OTUD7A: variants seen among roughly 807,000 people sequenced by gnomAD.
OTUD7A encodes OTU domain-containing protein 7A.
OTUD7A carries 12 observed loss-of-function variants against 65.7 expected under a neutral mutation model. That is an observed-to-expected ratio of 0.18 (90% CI 0.12 to 0.30). The LOEUF (loss-of-function observed/expected upper bound fraction) is 0.30, where lower values mean the gene tolerates loss of function less well. OTUD7A is among the 10% of genes least tolerant of loss of function. The pLI is 1.00. For missense variants in OTUD7A, 1,148 were observed against 1,304.8 expected (o/e 0.88, Z 1.85); for synonymous variants, 641 against 586.3 (o/e 1.09, Z -1.35).
chr15:31,565,991 G>C (rs991556908), intron 4 of OTUD7A, among the ~76,000 whole-genome samples: 1 of 152,144 alleles, frequency 6.6e-6, no homozygotes, highest in Non-Finnish European at 1.5e-5. Context: ...AGGAGATCGA[G>C]ACCATCCTGG....
intron 3 of OTUD7A, among the ~76,000 whole-genome samples, chr15:31,651,775 A>G (rs987533571): frequency 3.9e-5 from 6 of 152,166 alleles, no homozygotes; most frequent in African/African-American, 1.2e-4. Context: ...GCCCCCCAAT[A>G]CACATAGAAC....
chr15:31,747,606 T>C (rs1894515184), intron 1 of OTUD7A, among the ~76,000 whole-genome samples: 1 of 152,116 alleles, frequency 6.6e-6, no homozygotes, highest in Non-Finnish European at 1.5e-5. Flanking sequence ...AAATAGATGA[T>C]TAAGTAAATG....
chr15:31,528,421 C>T (rs1351886543), intron 6 of OTUD7A, among the ~76,000 whole-genome samples: 1 of 152,136 alleles, frequency 6.6e-6, no homozygotes, highest in Non-Finnish European at 1.5e-5. Context: ...AGGGGGCTCT[C>T]GAGGGAACTG....
chr15:31,861,237 C>T (rs1254581284), intron 1 of OTUD7A, among the ~76,000 whole-genome samples: 1 of 152,044 alleles, frequency 6.6e-6, no homozygotes, highest in Non-Finnish European at 1.5e-5. Flanking sequence ...AGAGTGGGGA[C>T]CCAAGCCAGA....
At chr15:31,773,974 A>G (rs1306227070) in intron 1 of OTUD7A, among the ~76,000 whole-genome samples, 1 of 152,254 alleles carries the variant, frequency 6.6e-6, no homozygotes, top group Non-Finnish European at 1.5e-5. Context: ...TTAATTGTCA[A>G]GAAGAACACT....
intron 1 of OTUD7A, among the ~76,000 whole-genome samples, chr15:31,869,774 G>GGT (rs1489697712): frequency 6.6e-6 from 1 of 152,204 alleles, no homozygotes; most frequent in Admixed American, 6.5e-5. Context: ...GGAGGGAGGA[G>GGT]GGTACACTTG....
At chr15:31,807,693 CAG>C (rs1172575619) in intron 1 of OTUD7A, among the ~76,000 whole-genome samples, 1 of 152,144 alleles carries the variant, frequency 6.6e-6, no homozygotes, top group Non-Finnish European at 1.5e-5. Flanking sequence ...AAACCATCAG[CAG>C]AGCCCCCTGG....
Position 31,767,582 on chromosome 15 carries a change from ACTT to A in OTUD7A, c.-100+102922_-100+102924del, listed in dbSNP as rs1201917869. 9.8e-6 allele frequency: 8 copies of A among 812,722 alleles called. No homozygotes were observed. In the African/African-American group the frequency reaches 1.2e-4, roughly 12 times the overall value. 50.3% of individuals were successfully genotyped at this position (812,722 alleles called of 1,614,324 possible). A position where few individuals can be genotyped will look rare whatever the true frequency, so the allele number is the denominator to read the frequency against. ...GGGAATTACTTGTTTTGGATTTATG[ACTT>A]CTTCTAGGGATGGCACACCTAAAAT... is the stretch of plus-strand genomic sequence containing the variant. On this transcript the variant is annotated intron_variant, in intron 1 of 12. Transcript: ENST00000307050.
chr15:31,837,372 CAAAAAAAAA>C (rs57479397), intron 1 of OTUD7A, among the ~76,000 whole-genome samples: 74,004 of 121,184 alleles, frequency 0.61, 21,158 homozygotes, highest in East Asian at 0.7. Context: ...ACTAAAAATA[CAAAAAAAAA>C]AAAAAAAAAA....
intron 3 of OTUD7A, among the ~76,000 whole-genome samples, chr15:31,579,999 T>C (rs1889325277): frequency 6.6e-6 from 1 of 152,192 alleles, no homozygotes; most frequent in South Asian, 2.1e-4. Flanking sequence ...CACCAGGATA[T>C]CTAGGAAAGA....
At chr15:31,550,668 C>T (rs182702795) in intron 5 of OTUD7A, among the ~76,000 whole-genome samples, 3 of 152,290 alleles carry the variant, frequency 2.0e-5, no homozygotes, top group East Asian at 1.9e-4. Flanking sequence ...GCACAGCAGA[C>T]GGCTGGCCCC....
chr15:31,751,425 G>GTTGGC (rs1196538862), intron 1 of OTUD7A, among the ~76,000 whole-genome samples: 1 of 151,922 alleles, frequency 6.6e-6, no homozygotes, highest in Non-Finnish European at 1.5e-5. Flanking sequence ...AACAGACAGT[G>GTTGGC]AGGCTACAGA....
chr15:31,498,420 T>A lies in OTUD7A; in HGVS notation c.1171+3270A>T, dbSNP rs1369931275. Among the ~76,000 whole-genome samples the A allele has an allele frequency of 6.6e-6, 1 of 152,208 alleles. No individual in the cohort carries two copies. The highest frequency in any genetic ancestry group is 1.5e-5 in the Non-Finnish European group (1 of 68,038). On this transcript the variant is annotated intron_variant, in intron 10 of 12. Coordinates refer to ENST00000307050, the MANE Select transcript of OTUD7A (RefSeq NM_001382637.1). The surrounding 1 kb of genome is among the most constrained non-coding windows in gnomAD (Gnocchi z 4.2). ...CATTTCAGGGTAATGAAGAGTACAC[T>A]GGACAATGTTTGCTATAAAAGGAGG...
chr15:31,781,241 T>TG (rs1030688388), intron 1 of OTUD7A, among the ~76,000 whole-genome samples: 27 of 152,192 alleles, frequency 1.8e-4, no homozygotes, highest in African/African-American at 6.0e-4. Flanking sequence ...CATGTACACT[T>TG]GGAGTCCTGA....
At chr15:31,627,455 G>A (rs1415288400) in intron 3 of OTUD7A, among the ~76,000 whole-genome samples, 1 of 152,050 alleles carries the variant, frequency 6.6e-6, no homozygotes, top group Non-Finnish European at 1.5e-5. Context: ...ATTCCATGGT[G>A]TATATGTACC....
At chr15:31,859,601 C>G (rs1048261890) in intron 1 of OTUD7A, among the ~76,000 whole-genome samples, 5 of 152,224 alleles carry the variant, frequency 3.3e-5, no homozygotes, top group Non-Finnish European at 7.3e-5. Flanking sequence ...AAGAGGAACT[C>G]ATGGTCCTCC....
rs1888660008 is a variant in OTUD7A, at chr15:31,560,673, T to G, written c.332-1486A>C. 1.3e-5 allele frequency among the ~76,000 whole-genome samples: 2 copies of G among 152,240 alleles called. 1 individual carries two copies. The highest frequency in any genetic ancestry group is 4.1e-4 in the South Asian group (2 of 4,828). On this transcript the variant is annotated intron_variant, in intron 4 of 12. Transcript: ENST00000307050. ...GTCTCTGGTGTTTTATTCAAAAGCC[T>G]GCTGCCTGTGTTGCCTAAATTAAGT...
At chr15:31,818,709 G>A (rs1274141277) in intron 1 of OTUD7A, among the ~76,000 whole-genome samples, 3 of 152,236 alleles carry the variant, frequency 2.0e-5, no homozygotes, top group Non-Finnish European at 2.9e-5. Context: ...ACGGATGGTA[G>A]TAAGACATAA....
chr15:31,839,990 T>G (rs1342597115), intron 1 of OTUD7A, among the ~76,000 whole-genome samples: 1 of 152,164 alleles, frequency 6.6e-6, no homozygotes, highest in Non-Finnish European at 1.5e-5. Context: ...TGCTAGCTCT[T>G]TAACTTGACC....
Sources: gnomAD v4.1 joint callset for allele counts (sites outside exome capture counted in the v4.1 genomes callset) on GRCh38, gnomAD v4.1.1 for gene constraint, Gnocchi (gnomAD v3.1) non-coding constraint, MANE v1.5 for transcripts, NCBI Gene and HGNC (gene_info 2026-07-23, HGNC 2026-07-21) for gene names.